The following LAMA3 variants were observed in gnomAD, a reference collection of about 807,000 sequenced individuals.
LAMA3 encodes the protein laminin subunit alpha 3, also known as laminin subunit alpha-3.
Under a neutral mutation model 402.0 loss-of-function variants are expected in LAMA3, and 281 were observed. The ratio of observed to expected loss-of-function variants is 0.70; its 90% CI spans 0.63 to 0.77. The LOEUF (loss-of-function observed/expected upper bound fraction) is 0.77. Ranked by LOEUF, LAMA3 falls within the 30% of genes least tolerant of loss-of-function variation. The pLI, the probability that LAMA3 is intolerant of heterozygous loss-of-function variation, is 0.00. For synonymous variants in LAMA3, 1,431 were observed against 1,558.4 expected, an observed-to-expected ratio of 0.92 and a Z score of 1.93; for missense variants, 3,840 against 4,215.5, an observed-to-expected ratio of 0.91 and a Z score of 2.47.
At position 23,954,671 on chromosome 18, in the gene LAMA3, GA is replaced by G; in HGVS notation, c.*26del. 6.2e-7 allele frequency: 1 copy of G among 1,613,548 alleles called. No individual in the cohort carries two copies. Among genetic ancestry groups the G allele is most frequent in the Non-Finnish European group, 8.5e-7 (1 of 1,179,590 alleles). On this transcript the variant is annotated 3_prime_UTR_variant, in exon 75 of 75. Coordinates refer to ENST00000313654, the MANE Select transcript of LAMA3 (RefSeq NM_198129.4). ...TAACCCAAGCCTATTTCACAGCAAG[GA>G]AATTCACCTTCAAAAGCACTGATTA...
At chr18:23,726,260 G>C (rs1455401372) in intron 2 of LAMA3, among the ~76,000 whole-genome samples, 1 of 152,208 alleles carries the variant, frequency 6.6e-6, no homozygotes, top group Non-Finnish European at 1.5e-5. Context: ...CCAGCACAGG[G>C]TCCCAGGTGG....
intron 52 of LAMA3, 136 bp downstream of exon 52, chr18:23,905,760 A>G: frequency 2.1e-6 from 1 of 478,858 alleles, no homozygotes; most frequent in African/African-American, 2.0e-5. Flanking sequence ...TATTTATTTT[A>G]TTTTATTACT....
intron 14 of LAMA3, among the ~76,000 whole-genome samples, chr18:23,813,503 C>T (rs1208976906): frequency 6.7e-6 from 1 of 148,226 alleles, no homozygotes; most frequent in Non-Finnish European, 1.5e-5. Context: ...ATTCCAAGCA[C>T]AATACCATGG....
intron 12 of LAMA3, among the ~76,000 whole-genome samples, chr18:23,808,837 G>A (rs1168851671): frequency 1.3e-5 from 2 of 152,154 alleles, no homozygotes; most frequent in Non-Finnish European, 1.5e-5. Context: ...CCCTGTGGGG[G>A]CCCCATGCGC....
chr18:23,929,608 T>C (rs2082104055), intron 64 of LAMA3, among the ~76,000 whole-genome samples: 1 of 151,942 alleles, frequency 6.6e-6, no homozygotes, highest in African/African-American at 2.4e-5. Context: ...GGCTCTGTAA[T>C]ATTAGGAAGG....
intron 68 of LAMA3, among the ~76,000 whole-genome samples, chr18:23,941,286 G>A (rs926056561): frequency 4.6e-5 from 6 of 131,166 alleles, no homozygotes; most frequent in South Asian, 2.6e-4. Context: ...CCAGCCTCCC[G>A]CCTCTGGCCT....
chr18:23,798,968 G>A (rs538057369), intron 12 of LAMA3, among the ~76,000 whole-genome samples: 33 of 152,342 alleles, frequency 2.2e-4, no homozygotes, highest in Middle Eastern at 6.8e-3. Flanking sequence ...CTGTCTGATA[G>A]CAATGTTGCA....
At chr18:23,900,066 T>TGTGA (rs1555730699) in intron 47 of LAMA3, among the ~76,000 whole-genome samples, 1 of 45,662 alleles carries the variant, frequency 2.2e-5, no homozygotes, top group South Asian at 9.3e-4. Context: ...TTTGTGTGTG[T>TGTGA]GTGCGTGTGT....
In LAMA3 at chr18:23,847,550, T is replaced by A; in HGVS notation, c.4018T>A (p.Cys1340Ser). 1 of 1,614,074 alleles carries A rather than the reference T, an allele frequency of 6.2e-7. No individual in the cohort carries two copies. ...CACGGTCAGGCCCCAGTGTGAGGTG[T>A]GTGAGACACACTCATTCAGCTTCCA... is the stretch of plus-strand genomic sequence containing the variant. ...PRTVRPQCEV[C>S]ETHSFSFHPM... The change falls in exon 32 of 75, where the codon TGT becomes AGT. Residue 1340 changes from cysteine to serine, a missense_variant. By Grantham distance (112) the Cys-to-Ser change is moderately radical. Around this residue, in one of 3 missense-constraint regions of LAMA3, gnomAD observed 2,109 missense variants for 2,376.0 expected, o/e 0.89. Coordinates refer to ENST00000313654, the MANE Select transcript of LAMA3 (RefSeq NM_198129.4).
At chr18:23,902,259 G>A (rs1365917931) in intron 48 of LAMA3, among the ~76,000 whole-genome samples, 1 of 152,046 alleles carries the variant, frequency 6.6e-6, no homozygotes, top group Non-Finnish European at 1.5e-5. Flanking sequence ...ACACTGGTGG[G>A]TTGGGAGCAA....
rs749622853 is a variant in LAMA3 at position 23,921,564 on chromosome 18, T to A, written c.8156T>A (p.Ile2719Asn). The A allele has an allele frequency of 6.2e-7, 1 of 1,613,974 alleles. No individual in the cohort carries two copies. The highest frequency in any genetic ancestry group is 1.1e-5 in the South Asian group (1 of 91,082). The change falls in exon 62 of 75, where the codon ATT (isoleucine) becomes AAT (asparagine). Residue 2719 changes from isoleucine to asparagine, a missense_variant. Ile to Asn is a moderately radical substitution (Grantham distance 149). This residue lies in a region of LAMA3 where 840 missense variants were observed against 981.9 expected (regional missense o/e 0.86). Transcript: ENST00000313654. ...FDFSTYYLGG[I>N]PIAIRERFNI... ...TTCAGCACATATTATCTGGGAGGAATTCCAATTGCAATCAGGGAAAGGTAA... is the reference window on the plus strand; with the variant it reads ...TTCAGCACATATTATCTGGGAGGAAATCCAATTGCAATCAGGGAAAGGTAA...
intron 12 of LAMA3, among the ~76,000 whole-genome samples, chr18:23,809,212 C>T (rs147291219): frequency 2.6e-5 from 4 of 152,262 alleles, no homozygotes; most frequent in Non-Finnish European, 5.9e-5. Flanking sequence ...AAAGTAGGTG[C>T]TATTATCAGC....
chr18:23,922,765 A>G (rs2081885448), intron 62 of LAMA3, among the ~76,000 whole-genome samples: 1 of 152,246 alleles, frequency 6.6e-6, no homozygotes, highest in African/African-American at 2.4e-5. Flanking sequence ...ATAAAATAAA[A>G]TCGTTTAAGG....
intron 1 of LAMA3, among the ~76,000 whole-genome samples, chr18:23,691,715 G>T (rs2060591519): frequency 6.6e-6 from 1 of 152,210 alleles, no homozygotes; most frequent in Non-Finnish European, 1.5e-5. Flanking sequence ...GGGACTATAG[G>T]CACATGCCAC....
At chr18:23,827,182 T>A in intron 22 of LAMA3, 132 bp from the exon 23 acceptor site, 1 of 992,670 alleles carries the variant, frequency 1.0e-6, no homozygotes, top group Non-Finnish European at 1.6e-6. Flanking sequence ...AGACACTTAA[T>A]AAGAGTTTAT....
intron 38 of LAMA3, among the ~76,000 whole-genome samples, chr18:23,873,405 AC>A (rs911450867): frequency 2.0e-5 from 3 of 151,958 alleles, no homozygotes; most frequent in African/African-American, 7.3e-5. Context: ...TTAACCGCAA[AC>A]CCCATTAACA....
chr18:23,705,180 G>T (rs2060863286), intron 1 of LAMA3, among the ~76,000 whole-genome samples: 1 of 152,122 alleles, frequency 6.6e-6, no homozygotes, highest in African/African-American at 2.4e-5. Flanking sequence ...CAGAGTAGAT[G>T]ATCATCATAG....
chr18:23,948,099 A>G (rs1456428706), intron 70 of LAMA3, among the ~76,000 whole-genome samples: 1 of 152,146 alleles, frequency 6.6e-6, no homozygotes, highest in Non-Finnish European at 1.5e-5. Flanking sequence ...GGCGTGAGCC[A>G]CCGTGCCCGG....
intron 59 of LAMA3, among the ~76,000 whole-genome samples, chr18:23,916,042 GAAAAA>G (rs2081608667): frequency 4.3e-5 from 2 of 46,298 alleles, no homozygotes; most frequent in African/African-American, 1.2e-4. Context: ...GAAAAGAAAA[GAAAAA>G]GAAAAAGAAA....
Sources: allele counts gnomAD v4.1 joint callset (sites outside exome capture counted in the v4.1 genomes callset), GRCh38; gene constraint gnomAD v4.1.1; regional missense constraint gnomAD v4.1.1; transcripts MANE v1.5; gene names NCBI Gene and HGNC (gene_info 2026-07-23, HGNC 2026-07-21).